The following DLG2 variants were observed in gnomAD, a reference collection of about 807,000 sequenced individuals.
The protein encoded by DLG2 is disks large homolog 2.
DLG2 carries 45 observed loss-of-function variants against 132.5 expected under a neutral mutation model. The ratio of observed to expected loss-of-function variants is 0.34; its 90% confidence interval spans 0.27 to 0.44. The LOEUF (loss-of-function observed/expected upper bound fraction) is 0.44, where lower values mean the gene tolerates loss of function less well. DLG2 is among the 20% of genes least tolerant of loss of function. The probability of loss-of-function intolerance (pLI) is 1.00; values close to 1 mark genes in which losing one functional copy is unlikely to be tolerated. For missense variants in DLG2, 1,045 were observed against 1,196.9 expected (o/e 0.87, Z 1.87); for synonymous variants, 424 against 419.6 (o/e 1.01, Z -0.13).
At chr11:85,547,482 G>A (rs1472113031) in intron 3 of DLG2, among the ~76,000 whole-genome samples, 1 of 152,156 alleles carries the variant, frequency 6.6e-6, no homozygotes, top group East Asian at 1.9e-4. Context: ...TCTTCTCAAG[G>A]AGTATCTTTG....
chr11:84,782,476 G>A (rs752503915), intron 6 of DLG2, among the ~76,000 whole-genome samples: 2 of 150,870 alleles, frequency 1.3e-5, no homozygotes, highest in African/African-American at 2.4e-5. Context: ...ATTAAAATGA[G>A]TAATTCAAAA....
intron 6 of DLG2, among the ~76,000 whole-genome samples, chr11:85,011,338 T>C (rs1040598813): frequency 2.0e-5 from 3 of 152,200 alleles, no homozygotes; most frequent in African/African-American, 7.2e-5. Context: ...ATTTTCTCCA[T>C]GGAAAGCTAG....
chr11:83,548,748 G>A (rs1353355308), intron 19 of DLG2, among the ~76,000 whole-genome samples: 3 of 152,132 alleles, frequency 2.0e-5, no homozygotes, highest in African/African-American at 4.8e-5. Flanking sequence ...AAAACCTTAT[G>A]TGATAAATAT....
At chr11:83,652,402 G>A (rs574520914) in intron 18 of DLG2, among the ~76,000 whole-genome samples, 32 of 152,220 alleles carry the variant, frequency 2.1e-4, no homozygotes, top group East Asian at 5.8e-4. Context: ...ATGGAGTCTC[G>A]CTCTGTCACC....
intron 3 of DLG2, among the ~76,000 whole-genome samples, chr11:85,401,381 C>T (rs780836145): frequency 3.9e-5 from 6 of 152,234 alleles, no homozygotes; most frequent in East Asian, 1.9e-4. Context: ...CAGCCAATAT[C>T]GTACTGAATG....
chr11:84,857,690 AT>A (rs1395957561), intron 6 of DLG2, among the ~76,000 whole-genome samples: 2 of 152,182 alleles, frequency 1.3e-5, no homozygotes, highest in East Asian at 3.9e-4. Context: ...ATGTCTCCCC[AT>A]CTAATCCAGA....
At chr11:85,338,730 G>A (rs1343657646) in intron 3 of DLG2, among the ~76,000 whole-genome samples, 4 of 135,226 alleles carry the variant, frequency 3.0e-5, no homozygotes, top group Admixed American at 7.8e-5. Flanking sequence ...TTTTGAGACG[G>A]AGTCTTGCTC....
chr11:83,822,397 C>T (rs534154995), intron 17 of DLG2, among the ~76,000 whole-genome samples: 52 of 152,140 alleles, frequency 3.4e-4, no homozygotes, highest in African/African-American at 1.2e-3. Flanking sequence ...CCAAATAATC[C>T]CCGATGGTCA....
intron 6 of DLG2, among the ~76,000 whole-genome samples, chr11:84,543,118 A>C (rs1238280765): frequency 6.6e-6 from 1 of 152,194 alleles, no homozygotes; most frequent in East Asian, 1.9e-4. Flanking sequence ...CAGTGCAATG[A>C]TCAGATCAAT....
chr11:84,946,577 G>C (rs1330969016), intron 6 of DLG2, among the ~76,000 whole-genome samples: 1 of 151,920 alleles, frequency 6.6e-6, no homozygotes, highest in Non-Finnish European at 1.5e-5. Context: ...TCTGGAGCTG[G>C]TATCCAACTT....
chr11:84,394,757 G>A (rs12360865), intron 7 of DLG2, among the ~76,000 whole-genome samples: 15,047 of 152,100 alleles, frequency 0.099, 763 homozygotes, highest in Middle Eastern at 0.13. Context: ...AAGTAGCTGG[G>A]ATTACAGGTG....
At chr11:84,709,669 C>A (rs567626636) in intron 6 of DLG2, among the ~76,000 whole-genome samples, 4 of 151,844 alleles carry the variant, frequency 2.6e-5, no homozygotes, top group African/African-American at 9.7e-5. Flanking sequence ...CACAGAGTAT[C>A]TTTGCTTGGT....
intron 18 of DLG2, chr11:83,724,878 A>C (rs773116790): frequency 1.4e-6 from 1 of 702,496 alleles, no homozygotes; most frequent in South Asian, 1.5e-5. Context: ...GCAAGTTTCC[A>C]GGGGTTTTCA....
At chr11:84,584,602 G>C (rs945433220) in intron 6 of DLG2, among the ~76,000 whole-genome samples, 2 of 145,888 alleles carry the variant, frequency 1.4e-5, no homozygotes, top group East Asian at 4.2e-4. Context: ...CTGGCCTCAA[G>C]CAATCTTCCT....
chr11:85,070,046 C>T (rs1233191255), intron 6 of DLG2, among the ~76,000 whole-genome samples: 13 of 151,750 alleles, frequency 8.6e-5, no homozygotes, highest in Non-Finnish European at 1.9e-4. Flanking sequence ...AGCAAACTAT[C>T]GCAAGGACAA....
chr11:84,291,557 A>C (rs528494874), intron 7 of DLG2, among the ~76,000 whole-genome samples: 12 of 152,318 alleles, frequency 7.9e-5, no homozygotes, highest in African/African-American at 2.4e-4. Context: ...GCAAAAACAC[A>C]TTAGAGCATG....
chr11:84,360,012 A>G (rs940295571), intron 7 of DLG2, among the ~76,000 whole-genome samples: 8 of 151,838 alleles, frequency 5.3e-5, no homozygotes, highest in African/African-American at 1.9e-4. Context: ...GTAGCTTAGT[A>G]ATGCAATCTA....
At chr11:85,062,103 A>G (rs1284520515) in intron 6 of DLG2, among the ~76,000 whole-genome samples, 1 of 151,914 alleles carries the variant, frequency 6.6e-6, no homozygotes, top group Non-Finnish European at 1.5e-5. Context: ...TATACTGATA[A>G]AATCTAAAGC....
chr11:84,151,142 T>C (rs898301789), intron 9 of DLG2, among the ~76,000 whole-genome samples: 1 of 151,806 alleles, frequency 6.6e-6, no homozygotes, highest in African/African-American at 2.4e-5. Flanking sequence ...TAGGGAGGGG[T>C]CCCTAACCCT....
Sources: allele counts gnomAD v4.1 joint callset (sites outside exome capture counted in the v4.1 genomes callset), GRCh38; gene constraint gnomAD v4.1.1; transcripts MANE v1.5; gene names NCBI Gene and HGNC (gene_info 2026-07-23, HGNC 2026-07-21).